Variants in PCDH15 observed in about 807,000 individuals in gnomAD.
PCDH15 encodes the protein protocadherin-15.
Under a neutral mutation model 178.5 loss-of-function variants are expected in PCDH15, and 129 were observed. The observed-to-expected ratio is 0.72, with a 90% CI of 0.63 to 0.84. The LOEUF is 0.84. PCDH15 is among the 40% of genes least tolerant of loss of function. The pLI is 0.00. For synonymous variants in PCDH15, 800 were observed against 732.0 expected (o/e 1.09, Z -1.50); for missense variants, 2,230 against 2,099.9 (o/e 1.06, Z -1.21).
At chr10:54,893,272 T>TA (rs936335012) in intron 3 of PCDH15, among the ~76,000 whole-genome samples, 4 of 152,020 alleles carry the variant, frequency 2.6e-5, no homozygotes, top group Admixed American at 6.6e-5. Context: ...TACCCAGATT[T>TA]AAAAAAATAT....
chr10:54,765,611 C>G (rs997583816), intron 1 of PCDH15, among the ~76,000 whole-genome samples: 4 of 152,098 alleles, frequency 2.6e-5, no homozygotes, highest in Non-Finnish European at 4.4e-5. Flanking sequence ...ACCTGTATTA[C>G]AGTGAAAAAT....
At chr10:54,626,256 A>C (rs2134570064) in intron 2 of PCDH15, among the ~76,000 whole-genome samples, 1 of 152,300 alleles carries the variant, frequency 6.6e-6, no homozygotes, top group South Asian at 2.1e-4. Flanking sequence ...TCTGAGAAGA[A>C]ATTCAAGCGG....
chr10:53,948,191 T>C (rs1271010172), intron 23 of PCDH15, among the ~76,000 whole-genome samples: 4 of 152,120 alleles, frequency 2.6e-5, no homozygotes, highest in Non-Finnish European at 4.4e-5. Context: ...ACCTTAATTA[T>C]TATAGAGGGC....
At chr10:54,259,898 T>C (rs2891509) in intron 8 of PCDH15, among the ~76,000 whole-genome samples, 93,986 of 152,066 alleles carry the variant, frequency 0.62, 30,574 homozygotes, top group Middle Eastern at 0.74. Context: ...TATTTCCTTA[T>C]GAAATGTAAA....
intron 9 of PCDH15, among the ~76,000 whole-genome samples, chr10:54,221,398 T>C (rs1318079535): frequency 6.6e-6 from 1 of 152,124 alleles, no homozygotes; most frequent in African/African-American, 2.4e-5. Context: ...TTCATATATT[T>C]AAAATGTAGA....
chr10:54,776,793 C>T (rs972044329), intron 1 of PCDH15, among the ~76,000 whole-genome samples: 7 of 152,092 alleles, frequency 4.6e-5, no homozygotes, highest in Admixed American at 4.6e-4. Flanking sequence ...ATGTCTCTTG[C>T]TGATGGGAGT....
chr10:55,127,620 T>A (rs925310346), intron 2 of PCDH15, among the ~76,000 whole-genome samples: 3 of 152,136 alleles, frequency 2.0e-5, no homozygotes, highest in Non-Finnish European at 4.4e-5. Flanking sequence ...TATAATCCTA[T>A]GTTCGATCCC....
At chr10:55,201,489 T>C (rs898917796) in intron 1 of PCDH15, among the ~76,000 whole-genome samples, 2 of 152,194 alleles carry the variant, frequency 1.3e-5, no homozygotes, top group Non-Finnish European at 2.9e-5. Flanking sequence ...ATCATTATTG[T>C]CATTTACTTC....
chr10:54,768,726 T>C (rs529668148), intron 1 of PCDH15, among the ~76,000 whole-genome samples: 1 of 152,244 alleles, frequency 6.6e-6, no homozygotes, highest in East Asian at 1.9e-4. Flanking sequence ...CCTCTATGCT[T>C]TATTATCACA....
chr10:54,334,597 A>G (rs962649793), intron 6 of PCDH15, among the ~76,000 whole-genome samples: 1 of 152,056 alleles, frequency 6.6e-6, no homozygotes, highest in South Asian at 2.1e-4. Context: ...AGCCTTTCAC[A>G]CCTATGTTGT....
chr10:54,010,666 CCT>C (rs1022619094), intron 20 of PCDH15, among the ~76,000 whole-genome samples: 2 of 152,130 alleles, frequency 1.3e-5, no homozygotes, highest in African/African-American at 4.8e-5. Context: ...CAATCCACAA[CCT>C]CTCTGTGACT....
At chr10:54,752,530 A>AC (rs1491234416) in intron 1 of PCDH15, among the ~76,000 whole-genome samples, 9 of 43,942 alleles carry the variant, frequency 2.0e-4, no homozygotes, top group Admixed American at 4.1e-4. Flanking sequence ...ACAAACAAAC[A>AC]AAAAAAAACA....
intron 3 of PCDH15, among the ~76,000 whole-genome samples, chr10:54,406,602 G>A (rs995586469): frequency 6.6e-6 from 1 of 151,970 alleles, no homozygotes; most frequent in African/African-American, 2.4e-5. Flanking sequence ...TGGAACAAAG[G>A]CAAAAAACAG....
At chr10:55,483,214 A>T (rs1401214168) in intron 2 of PCDH15, among the ~76,000 whole-genome samples, 1 of 151,818 alleles carries the variant, frequency 6.6e-6, no homozygotes, top group Non-Finnish European at 1.5e-5. Context: ...AACAGAAGAA[A>T]ATTTTTGCAA....
intron 2 of PCDH15, among the ~76,000 whole-genome samples, chr10:54,961,205 G>A (rs1243665895): frequency 6.6e-6 from 1 of 152,190 alleles, no homozygotes; most frequent in Non-Finnish European, 1.5e-5. Flanking sequence ...CTGAGCCAGG[G>A]TGCTGCTGTG....
intron 11 of PCDH15, among the ~76,000 whole-genome samples, chr10:54,189,912 T>C (rs1203939453): frequency 7.5e-6 from 1 of 133,440 alleles, no homozygotes; most frequent in African/African-American, 2.8e-5. Context: ...CATATATGTA[T>C]ACATGCATGT....
At chr10:54,756,755 C>A (rs1271081100) in intron 1 of PCDH15, among the ~76,000 whole-genome samples, 2 of 151,916 alleles carry the variant, frequency 1.3e-5, no homozygotes, top group Non-Finnish European at 1.5e-5. Context: ...ACTATGGATA[C>A]TTCCTTTATA....
At chr10:54,383,756 G>T (rs1949559745) in intron 3 of PCDH15, among the ~76,000 whole-genome samples, 1 of 151,314 alleles carries the variant, frequency 6.6e-6, no homozygotes. Flanking sequence ...ATCTAATCAG[G>T]CAGTTCTGTT....
chr10:54,335,736 G>A (rs758061096), intron 6 of PCDH15, among the ~76,000 whole-genome samples: 5 of 152,174 alleles, frequency 3.3e-5, no homozygotes, highest in African/African-American at 4.8e-5. Flanking sequence ...CCAGTCTCAC[G>A]TATGTCTTTA....
Sources: allele counts gnomAD v4.1 joint callset (sites outside exome capture counted in the v4.1 genomes callset), GRCh38; gene constraint gnomAD v4.1.1; transcripts MANE v1.5; gene names NCBI Gene and HGNC (gene_info 2026-07-23, HGNC 2026-07-21).